Variants in PCSK6 observed in about 807,000 individuals in gnomAD.
The protein encoded by PCSK6 is paired basic amino acid cleaving enzyme 4.
In PCSK6, 85 loss-of-function variants were observed where a neutral mutation model predicts 123.3. That is an observed-to-expected ratio of 0.69 (90% CI 0.58 to 0.83). The LOEUF (loss-of-function observed/expected upper bound fraction) is 0.83. PCSK6 is among the 40% of genes least tolerant of loss of function. The probability of loss-of-function intolerance (pLI) is 0.00; values close to 1 mark genes in which losing one functional copy is unlikely to be tolerated. For synonymous variants in PCSK6, 508 were observed against 516.0 expected, an observed-to-expected ratio of 0.98 and a Z score of 0.21; for missense variants, 1,191 against 1,282.3, an observed-to-expected ratio of 0.93 and a Z score of 1.09.
chr15:101,337,311 A>G (rs1391408781), intron 13 of PCSK6: 1 of 152,142 alleles, frequency 6.6e-6, no homozygotes, highest in Non-Finnish European at 1.5e-5. Context: ...TCCCCTTTCT[A>G]GTACTTAAAT....
intron 16 of PCSK6, among the ~76,000 whole-genome samples, chr15:101,325,320 T>C (rs1351334680): frequency 6.6e-6 from 1 of 152,156 alleles, no homozygotes; most frequent in East Asian, 1.9e-4. Flanking sequence ...GTGAGGTTCG[T>C]ATTTGACTTT....
intron 2 of PCSK6, among the ~76,000 whole-genome samples, chr15:101,438,016 C>A (rs2056650989): frequency 6.6e-6 from 1 of 152,172 alleles, no homozygotes; most frequent in Non-Finnish European, 1.5e-5. Flanking sequence ...GAGATTAGGA[C>A]AGAGCCACTC....
Position 101,398,587 on chromosome 15 carries a change from A to G in PCSK6, c.824-11T>C. The G allele has an allele frequency of 6.2e-7, 1 of 1,604,008 alleles. No homozygotes were observed. The highest frequency in any genetic ancestry group is 8.5e-7 in the Non-Finnish European group (1 of 1,173,666). On this transcript the variant is annotated splice_polypyrimidine_tract_variant and intron_variant, in intron 6 of 21. Transcript: ENST00000611716. The surrounding 1 kb of genome is among the most constrained non-coding windows in gnomAD (Gnocchi z 4.6). ...CCAGCATGCGGATGCCTGAAAGCAC[A>G]GAGGAGGCTCGGTGTCGGCGCCCAG...
Position 101,305,256 on chromosome 15 carries a change from C to G in PCSK6, c.*2G>C. The G allele has an allele frequency of 6.2e-7, 1 of 1,608,998 alleles. No individual in the cohort carries two copies. The highest frequency in any genetic ancestry group is 8.5e-7 in the Non-Finnish European group (1 of 1,178,680). ...CTGCCCTCTGTGGGCAGCTAGGCACCCTTACCCGGCCAGGAGGCACGTGCG... is the reference window on the plus strand; with the variant it reads ...CTGCCCTCTGTGGGCAGCTAGGCACGCTTACCCGGCCAGGAGGCACGTGCG... On this transcript the variant is annotated 3_prime_UTR_variant, in exon 22 of 22. Coordinates refer to ENST00000611716, the MANE Select transcript of PCSK6 (RefSeq NM_002570.5). The surrounding 1 kb of genome is among the most constrained non-coding windows in gnomAD (Gnocchi z 4.8).
At chr15:101,390,358 CAT>C in intron 8 of PCSK6, among the ~76,000 whole-genome samples, 4 of 152,012 alleles carry the variant, frequency 2.6e-5, no homozygotes, top group African/African-American at 4.8e-5. Context: ...ATTGTCGCCC[CAT>C]CATCTTTGTC....
At position 101,442,202 on chromosome 15, in the gene PCSK6, G is replaced by C. The variant is rs573109956; in HGVS notation, c.402+1354C>G. On this transcript the variant is annotated intron_variant, in intron 2 of 21. Transcript: ENST00000611716. ...GATGGGGTGAGACGGTGCATGTAAA[G>C]TGCCCAAGCACAGCCATCCCTTAGT... Among the ~76,000 whole-genome samples, 3 of 152,326 alleles carry C rather than the reference G, an allele frequency of 2.0e-5. No individual in the cohort carries two copies. The South Asian group carries it at 6.2e-4, about 32-fold the overall frequency.
At chr15:101,443,290 C>T (rs1215223054) in intron 2 of PCSK6, among the ~76,000 whole-genome samples, 1 of 152,134 alleles carries the variant, frequency 6.6e-6, no homozygotes, top group Non-Finnish European at 1.5e-5. Flanking sequence ...GCTTGAATTG[C>T]TTAGAGTTTT....
intron 13 of PCSK6, among the ~76,000 whole-genome samples, chr15:101,343,286 G>C (rs1341423910): frequency 1.3e-5 from 2 of 151,968 alleles, no homozygotes; most frequent in Non-Finnish European, 2.9e-5. Flanking sequence ...AATTTTATTA[G>C]TTTCTTTCAA....
chr15:101,488,283 T>C (rs1170097211), intron 1 of PCSK6, among the ~76,000 whole-genome samples: 3 of 152,220 alleles, frequency 2.0e-5, no homozygotes, highest in Non-Finnish European at 1.5e-5. Flanking sequence ...ATTTGTTAAC[T>C]GCACTGAGAG....
intron 13 of PCSK6, among the ~76,000 whole-genome samples, chr15:101,339,228 G>A (rs1329733700): frequency 6.6e-6 from 1 of 152,164 alleles, no homozygotes; most frequent in Middle Eastern, 3.2e-3. Flanking sequence ...CCTGGCTATA[G>A]GAGAAGTTAT....
intron 13 of PCSK6, among the ~76,000 whole-genome samples, chr15:101,348,276 T>C (rs778242300): frequency 1.3e-5 from 2 of 152,178 alleles, no homozygotes; most frequent in Non-Finnish European, 2.9e-5. Flanking sequence ...GGCAAGGAAG[T>C]GAGGGCTAGA....
At chr15:101,409,873 T>A (rs538612210) in intron 6 of PCSK6, among the ~76,000 whole-genome samples, 77 of 152,320 alleles carry the variant, frequency 5.1e-4, no homozygotes, top group African/African-American at 1.7e-3. Context: ...CAGGAGGACC[T>A]GGTGCAGTGG....
intron 6 of PCSK6, among the ~76,000 whole-genome samples, chr15:101,417,211 TAAGAAG>T (rs1481778426): frequency 6.6e-6 from 1 of 152,212 alleles, no homozygotes; most frequent in East Asian, 1.9e-4. Flanking sequence ...ACCGCCATGT[TAAGAAG>T]TGCCTTTCAC....
intron 1 of PCSK6, among the ~76,000 whole-genome samples, chr15:101,473,410 C>T (rs144512823): frequency 0.014 from 2,120 of 152,276 alleles, 20 homozygotes; most frequent in Non-Finnish European, 0.022. Context: ...GCCTAGCCTT[C>T]ATTTGGATTT....
chr15:101,421,339 A>ATTTAT (rs1334336850), intron 6 of PCSK6, among the ~76,000 whole-genome samples: 35 of 152,372 alleles, frequency 2.3e-4, no homozygotes, highest in Admixed American at 1.6e-3. Context: ...GCAGTTTTAC[A>ATTTAT]AAGAAAATTG....
At chr15:101,396,942 G>C (rs1402559066) in intron 7 of PCSK6, among the ~76,000 whole-genome samples, 5 of 152,090 alleles carry the variant, frequency 3.3e-5, no homozygotes, top group Admixed American at 3.3e-4. Context: ...TTGGTCATTG[G>C]TTTCTCAGGC....
rs1021984250 is a variant in PCSK6 at position 101,372,830 on chromosome 15, G to A, written c.1533-2307C>T. Among the ~76,000 whole-genome samples, 4 of 152,250 alleles carry A rather than the reference G, an allele frequency of 2.6e-5. No homozygotes were observed. In the South Asian group the frequency reaches 8.3e-4, roughly 32 times the overall value. On this transcript the variant is annotated intron_variant, in intron 11 of 21. Coordinates refer to ENST00000611716, the MANE Select transcript of PCSK6 (RefSeq NM_002570.5). ...TCCAGTGCTGAATAGCAAGATCAAG[G>A]GGAAACAGACACAAAAGCCTTAACC...
At position 101,489,560 on chromosome 15, in the gene PCSK6, G is replaced by GCCGGCGCCC; in HGVS notation, c.102_110dup (p.Ala36_Gly38dup). 1 of 962,926 alleles carries GCCGGCGCCC rather than the reference G, an allele frequency of 1.0e-6. No homozygotes were observed. Among genetic ancestry groups the GCCGGCGCCC allele is most frequent in the Non-Finnish European group, 1.2e-6 (1 of 819,084 alleles). The allele number at this position is 962,926 out of a possible 1,614,324, so 59.6% of individuals were successfully genotyped here. ...GCGCGAGCGGCCGGAACCCGGGCCC[G>GCCGGCGCCC]CCGGCGCCCCCCGCGCCCCCCGCGC... On this transcript the variant is annotated inframe_insertion, in exon 1 of 22. Coordinates refer to ENST00000611716, the MANE Select transcript of PCSK6 (RefSeq NM_002570.5).
intron 6 of PCSK6, among the ~76,000 whole-genome samples, chr15:101,405,029 G>A (rs1596300108): frequency 6.6e-6 from 1 of 152,144 alleles, no homozygotes; most frequent in East Asian, 1.9e-4. Flanking sequence ...ACTGATGTGT[G>A]GGAAAGCAAG....
Sources: allele counts gnomAD v4.1 joint callset (sites outside exome capture counted in the v4.1 genomes callset), GRCh38; gene constraint gnomAD v4.1.1; non-coding constraint Gnocchi (gnomAD v3.1); transcripts MANE v1.5; gene names NCBI Gene and HGNC (gene_info 2026-07-23, HGNC 2026-07-21).